The following RALYL variants were observed in gnomAD, a reference collection of about 807,000 sequenced individuals.
The protein encoded by RALYL is RALY RNA binding protein like.
Under a neutral mutation model 35.1 loss-of-function variants are expected in RALYL, and 29 were observed. That is an observed-to-expected ratio of 0.83 (90% CI 0.61 to 1.13). The LOEUF (loss-of-function observed/expected upper bound fraction) is 1.13. Among genes scored for constraint, RALYL ranks in the 50% most tolerant of loss-of-function variants. The pLI is 0.00. For missense variants in RALYL, 359 were observed against 360.4 expected (o/e 1.00, Z 0.03); for synonymous variants, 120 against 127.6 (o/e 0.94, Z 0.40).
chr8:84,427,948 T>C (rs2046684527), intron 1 of RALYL, among the ~76,000 whole-genome samples: 1 of 152,206 alleles, frequency 6.6e-6, no homozygotes, highest in African/African-American at 2.4e-5. Context: ...CAATTCATTA[T>C]TGCTAAGGCA....
chr8:84,263,014 G>C (rs1017761913), intron 1 of RALYL, among the ~76,000 whole-genome samples: 1 of 152,106 alleles, frequency 6.6e-6, no homozygotes, highest in Non-Finnish European at 1.5e-5. Context: ...GTTTCTAGCT[G>C]TAATTTGATC....
chr8:84,560,518 T>C (rs1156321910), intron 2 of RALYL, among the ~76,000 whole-genome samples: 1 of 151,984 alleles, frequency 6.6e-6, no homozygotes, highest in Admixed American at 6.6e-5. Flanking sequence ...GCTATTTCAG[T>C]GTCTTAATTG....
At chr8:84,324,963 C>T (rs553937419) in intron 1 of RALYL, among the ~76,000 whole-genome samples, 2 of 152,092 alleles carry the variant, frequency 1.3e-5, no homozygotes, top group Non-Finnish European at 2.9e-5. Flanking sequence ...TCCTTGGTAC[C>T]CTTAATTCTT....
At chr8:84,619,780 G>C (rs911894388) in intron 2 of RALYL, among the ~76,000 whole-genome samples, 23 of 151,266 alleles carry the variant, frequency 1.5e-4, no homozygotes, top group Non-Finnish European at 2.5e-4. Flanking sequence ...CTCTTTTAGG[G>C]CAGGCCTGAT....
chr8:84,424,509 C>G (rs566835712), intron 1 of RALYL, among the ~76,000 whole-genome samples: 1 of 150,218 alleles, frequency 6.7e-6, no homozygotes, highest in South Asian at 2.1e-4. Flanking sequence ...CCTTCCATAG[C>G]TCAGAGTAAT....
chr8:84,552,394 G>C (rs2060809206), intron 2 of RALYL, among the ~76,000 whole-genome samples: 1 of 60,438 alleles, frequency 1.7e-5, no homozygotes, highest in Non-Finnish European at 3.4e-5. Flanking sequence ...TTTTGAGAAA[G>C]CAGAGACAGC....
chr8:84,334,343 A>G (rs1847369531), intron 1 of RALYL, among the ~76,000 whole-genome samples: 1 of 152,038 alleles, frequency 6.6e-6, no homozygotes, highest in South Asian at 2.1e-4. Flanking sequence ...CTACATAACA[A>G]TTTTATCAAT....
At chr8:84,692,062 A>G in intron 2 of RALYL, among the ~76,000 whole-genome samples, 1 of 152,064 alleles carries the variant, frequency 6.6e-6, no homozygotes, top group Non-Finnish European at 1.5e-5. Flanking sequence ...GGAAAATCAA[A>G]ATAGAAGGGA....
chr8:84,610,297 T>A (rs1365596418), intron 2 of RALYL, among the ~76,000 whole-genome samples: 1 of 152,118 alleles, frequency 6.6e-6, no homozygotes, highest in African/African-American at 2.4e-5. Context: ...TTGTTTTTGA[T>A]GATAGTTTTG....
intron 1 of RALYL, among the ~76,000 whole-genome samples, chr8:84,268,675 T>C (rs1833760903): frequency 6.6e-6 from 1 of 152,160 alleles, no homozygotes; most frequent in South Asian, 2.1e-4. Context: ...CAGAGGTCAT[T>C]TTAGGGTTAC....
intron 1 of RALYL, among the ~76,000 whole-genome samples, chr8:84,241,384 G>C (rs1025578731): frequency 4.6e-5 from 7 of 152,098 alleles, no homozygotes; most frequent in Admixed American, 3.3e-4. Context: ...TAAGAGTAAA[G>C]CACTGAAAAG....
At chr8:84,491,259 T>C (rs568541575) in intron 1 of RALYL, among the ~76,000 whole-genome samples, 1 of 152,162 alleles carries the variant, frequency 6.6e-6, no homozygotes, top group African/African-American at 2.4e-5. Flanking sequence ...TCTCATCATA[T>C]GTGGTGTTTT....
chr8:84,300,017 A>T (rs1840477808), intron 1 of RALYL, among the ~76,000 whole-genome samples: 1 of 151,944 alleles, frequency 6.6e-6, no homozygotes, highest in South Asian at 2.1e-4. Context: ...GAGTTCCTCT[A>T]AGAGTGATAT....
intron 2 of RALYL, among the ~76,000 whole-genome samples, chr8:84,629,378 G>A (rs1823446104): frequency 6.6e-6 from 1 of 152,026 alleles, no homozygotes; most frequent in South Asian, 2.1e-4. Flanking sequence ...CTTCCAAAAT[G>A]CATATATTCT....
Position 84,252,619 on chromosome 8 carries a change from T to C in RALYL, c.-24+68195T>C, listed in dbSNP as rs555282907. Among the ~76,000 whole-genome samples the C allele has an allele frequency of 1.7e-3, 256 of 152,258 alleles. 1 individual carries two copies. Among genetic ancestry groups the C allele is most frequent in the African/African-American group, 5.9e-3 (245 of 41,560 alleles). On this transcript the variant is annotated intron_variant, in intron 1 of 8. Transcript: ENST00000521268. Reference sequence around the variant, plus strand: ...GGGTCACAGATAGCTAGCGTTCCTGTAGACATTGCTTGCGTGATCTTTATC... The same window carrying C: ...GGGTCACAGATAGCTAGCGTTCCTGCAGACATTGCTTGCGTGATCTTTATC...
intron 2 of RALYL, among the ~76,000 whole-genome samples, chr8:84,702,539 T>TCACACACACACACA (rs10678224): frequency 7.3e-5 from 10 of 136,534 alleles, no homozygotes; most frequent in African/African-American, 3.1e-4. Context: ...TCTCTCTCTC[T>TCACACACACACACA]CACACACACA....
At chr8:84,835,340 G>A (rs1253604552) in intron 4 of RALYL, among the ~76,000 whole-genome samples, 1 of 151,942 alleles carries the variant, frequency 6.6e-6, no homozygotes, top group Non-Finnish European at 1.5e-5. Context: ...CTTTATAATG[G>A]GGGAAGATGT....
chr8:84,400,637 C>A (rs1037030072), intron 1 of RALYL, among the ~76,000 whole-genome samples: 2 of 152,116 alleles, frequency 1.3e-5, no homozygotes, highest in African/African-American at 4.8e-5. Flanking sequence ...GGTGATTGTG[C>A]CAGCCATAGT....
At chr8:84,197,633 G>T (rs563190839) in intron 1 of RALYL, among the ~76,000 whole-genome samples, 18 of 152,174 alleles carry the variant, frequency 1.2e-4, no homozygotes, top group Admixed American at 1.1e-3. Flanking sequence ...ATCTAAGTAT[G>T]AAACTTATTT....
Sources: allele counts gnomAD v4.1 joint callset (sites outside exome capture counted in the v4.1 genomes callset), GRCh38; gene constraint gnomAD v4.1.1; transcripts MANE v1.5; gene names NCBI Gene and HGNC (gene_info 2026-07-23, HGNC 2026-07-21).